SLC14A2: variants seen among roughly 807,000 people sequenced by gnomAD.
The protein encoded by SLC14A2 is solute carrier family 14 member 2.
Under a neutral mutation model 104.6 loss-of-function variants are expected in SLC14A2, and 91 were observed. That is an observed-to-expected ratio of 0.87 (90% confidence interval 0.73 to 1.04). The LOEUF (loss-of-function observed/expected upper bound fraction) is 1.04, where lower values mean the gene tolerates loss of function less well. Ranked by LOEUF, SLC14A2 falls within the 50% of genes least tolerant of loss-of-function variation. SLC14A2 has a pLI of 0.00. For synonymous variants in SLC14A2, 476 were observed against 466.4 expected (o/e 1.02, Z -0.27); for missense variants, 1,189 against 1,156.0 (o/e 1.03, Z -0.41).
chr18:45,361,603 C>T (rs1264386409), intron 1 of SLC14A2, among the ~76,000 whole-genome samples: 1 of 152,054 alleles, frequency 6.6e-6, no homozygotes, highest in Non-Finnish European at 1.5e-5. Context: ...ATGCAGAGTC[C>T]CTGAAGCAAC....
chr18:45,327,040 A>G (rs2085242119), intron 1 of SLC14A2, among the ~76,000 whole-genome samples: 1 of 151,318 alleles, frequency 6.6e-6, no homozygotes, highest in African/African-American at 2.4e-5. Flanking sequence ...CCATCCATCC[A>G]TCCAGCCAGC....
Position 45,628,826 on chromosome 18 carries a change from T to A in SLC14A2, c.521+1679T>A, listed in dbSNP as rs1599086243. ...AAGAAAGAAAGTGAAAGCTAAGTCA[T>A]AATATAAAATGCATTTCTTACAGTG... is the stretch of plus-strand genomic sequence containing the variant. On this transcript the variant is annotated intron_variant, in intron 4 of 19. Coordinates refer to ENST00000255226, the MANE Select transcript of SLC14A2 (RefSeq NM_007163.4). Among the ~76,000 whole-genome samples the A allele has an allele frequency of 3.3e-5, 5 of 152,318 alleles. No individual in the cohort carries two copies. In the South Asian group the frequency reaches 8.3e-4, roughly 25 times the overall value.
intron 1 of SLC14A2, among the ~76,000 whole-genome samples, chr18:45,419,375 C>G (rs1467316739): frequency 6.6e-6 from 1 of 152,202 alleles, no homozygotes; most frequent in African/African-American, 2.4e-5. Context: ...ATGATTCTCT[C>G]TCTGATGCCC....
At chr18:45,238,298 A>G (rs560942469) in intron 1 of SLC14A2, among the ~76,000 whole-genome samples, 5 of 152,334 alleles carry the variant, frequency 3.3e-5, no homozygotes, top group African/African-American at 1.2e-4. Context: ...AAGGAAGGTG[A>G]ATACAAGACT....
At chr18:45,526,280 G>A (rs2043593408) in intron 2 of SLC14A2, among the ~76,000 whole-genome samples, 1 of 152,322 alleles carries the variant, frequency 6.6e-6, no homozygotes, top group East Asian at 1.9e-4. Context: ...TAGCTGCTAT[G>A]ATCTGAGAGA....
intron 17 of SLC14A2, 147 bp downstream of exon 17, chr18:45,673,194 A>T: frequency 1.3e-6 from 1 of 797,522 alleles, no homozygotes; most frequent in Non-Finnish European, 2.0e-6. Flanking sequence ...TCCGTTTTTG[A>T]TCTAGCCCCT....
chr18:45,429,855 T>A (rs559517868), intron 1 of SLC14A2, among the ~76,000 whole-genome samples: 26 of 152,266 alleles, frequency 1.7e-4, no homozygotes, highest in African/African-American at 6.3e-4. Context: ...AGGTCTGTAG[T>A]TGAGGAACAG....
At chr18:45,250,638 C>T (rs2144074106) in intron 1 of SLC14A2, among the ~76,000 whole-genome samples, 1 of 152,162 alleles carries the variant, frequency 6.6e-6, no homozygotes, top group Middle Eastern at 3.4e-3. Context: ...TCAGGATTTT[C>T]CATGGGAAAC....
chr18:45,644,709 G>A (rs181696961), intron 10 of SLC14A2, among the ~76,000 whole-genome samples: 1 of 152,172 alleles, frequency 6.6e-6, no homozygotes, highest in East Asian at 1.9e-4. Context: ...ATCTAAATAA[G>A]GAGTCTTAAC....
intron 2 of SLC14A2, among the ~76,000 whole-genome samples, chr18:45,509,096 G>A (rs1004857275): frequency 1.2e-4 from 18 of 152,036 alleles, no homozygotes; most frequent in African/African-American, 3.9e-4. Context: ...GCAAGCCTTT[G>A]GAAGAGTCCA....
At chr18:45,375,362 A>G (rs2085762654) in intron 1 of SLC14A2, among the ~76,000 whole-genome samples, 1 of 152,130 alleles carries the variant, frequency 6.6e-6, no homozygotes, top group African/African-American at 2.4e-5. Flanking sequence ...CCTGCATGGG[A>G]TGGATCAGCT....
intron 1 of SLC14A2, among the ~76,000 whole-genome samples, chr18:45,339,729 C>A (rs1220179099): frequency 2.0e-5 from 3 of 152,168 alleles, no homozygotes; most frequent in Non-Finnish European, 4.4e-5. Flanking sequence ...GTTGTGTGGG[C>A]AGGTTTTTGG....
intron 1 of SLC14A2, among the ~76,000 whole-genome samples, chr18:45,231,430 T>C (rs2084173664): frequency 6.6e-6 from 1 of 152,150 alleles, no homozygotes; most frequent in Admixed American, 6.5e-5. Context: ...CTTGAACCCC[T>C]GGCCTCAAGC....
chr18:45,586,573 C>G (rs1224077239), intron 2 of SLC14A2, among the ~76,000 whole-genome samples: 1 of 152,196 alleles, frequency 6.6e-6, no homozygotes, highest in East Asian at 1.9e-4. Flanking sequence ...GGCAGAATGG[C>G]AGGCCATTGT....
intron 2 of SLC14A2, among the ~76,000 whole-genome samples, chr18:45,537,459 C>G (rs1044060499): frequency 1.3e-5 from 2 of 152,104 alleles, no homozygotes; most frequent in Non-Finnish European, 2.9e-5. Flanking sequence ...GGACAGGGAA[C>G]AGAGCCAGCA....
At chr18:45,387,221 C>A (rs542020109) in intron 1 of SLC14A2, among the ~76,000 whole-genome samples, 2 of 152,218 alleles carry the variant, frequency 1.3e-5, no homozygotes, top group South Asian at 4.2e-4. Flanking sequence ...AAAGGGTATG[C>A]TACTTATATC....
intron 1 of SLC14A2, among the ~76,000 whole-genome samples, chr18:45,426,676 C>A (rs1568196931): frequency 7.2e-6 from 1 of 139,368 alleles, no homozygotes; most frequent in East Asian, 2.1e-4. Flanking sequence ...TATATATACA[C>A]ACATATACAT....
At chr18:45,325,473 A>G (rs993638816) in intron 1 of SLC14A2, among the ~76,000 whole-genome samples, 2 of 152,180 alleles carry the variant, frequency 1.3e-5, no homozygotes, top group Non-Finnish European at 2.9e-5. Flanking sequence ...AGAAACTCAA[A>G]CAAAAGTGCC....
At chr18:45,172,569 G>C in the SLC14A2 span, among the ~76,000 whole-genome samples, 3 of 152,206 alleles carry the variant, frequency 2.0e-5, no homozygotes, top group African/African-American at 4.8e-5. Flanking sequence ...TCTTCCATTT[G>C]TATAGCACTG....
Sources: allele counts gnomAD v4.1 joint callset (sites outside exome capture counted in the v4.1 genomes callset), GRCh38; gene constraint gnomAD v4.1.1; transcripts MANE v1.5; gene names NCBI Gene and HGNC (gene_info 2026-07-23, HGNC 2026-07-21).